The following CNKSR3 variants were observed in gnomAD, a reference collection of about 807,000 sequenced individuals.
CNKSR3 encodes the protein connector enhancer of kinase suppressor of ras 3.
In CNKSR3, 36 loss-of-function variants were observed where a neutral mutation model predicts 67.7. The observed-to-expected ratio is 0.53, with a 90% confidence interval of 0.41 to 0.70. The LOEUF is 0.70. Ranked by LOEUF, CNKSR3 falls within the 30% of genes least tolerant of loss-of-function variation. The pLI, the probability that CNKSR3 is intolerant of heterozygous loss-of-function variation, is 0.00. For missense variants in CNKSR3, 630 were observed against 695.2 expected (o/e 0.91, Z 1.05); for synonymous variants, 281 against 271.4 (o/e 1.04, Z -0.35).
At chr6:154,481,018 CTTAT>C (rs1185641401) in intron 1 of CNKSR3, among the ~76,000 whole-genome samples, 4 of 151,486 alleles carry the variant, frequency 2.6e-5, no homozygotes, top group African/African-American at 9.7e-5. Flanking sequence ...CAGTCTTATG[CTTAT>C]TTGATATTTA....
chr6:154,495,787 G>A (rs1162249441), intron 1 of CNKSR3, among the ~76,000 whole-genome samples: 1 of 152,054 alleles, frequency 6.6e-6, no homozygotes, highest in Non-Finnish European at 1.5e-5. Context: ...AGGGCGCAGA[G>A]TACTCCTGTG....
chr6:154,494,191 G>T (rs1033749225), intron 1 of CNKSR3, among the ~76,000 whole-genome samples: 1 of 152,160 alleles, frequency 6.6e-6, no homozygotes, highest in Non-Finnish European at 1.5e-5. Flanking sequence ...TTACAATCGT[G>T]GTGGAAGAGG....
chr6:154,504,819 C>G (rs1161877091), intron 1 of CNKSR3, among the ~76,000 whole-genome samples: 1 of 151,648 alleles, frequency 6.6e-6, no homozygotes. Flanking sequence ...TCAGCCTGGG[C>G]AACAGAGTGA....
chr6:154,483,329 C>G (rs1420133581), intron 1 of CNKSR3, among the ~76,000 whole-genome samples: 1 of 152,156 alleles, frequency 6.6e-6, no homozygotes, highest in African/African-American at 2.4e-5. Context: ...CTCTCGGCAG[C>G]CTCTTTCCAT....
Position 154,398,760 on chromosome 6 carries a change from T to G in CNKSR3, c.*7594A>C, listed in dbSNP as rs1305598731. ...TGGAAGGGATTTAATAGAAAAGATA[T>G]GATGATGACAAATCAAGTCAATATT... is the stretch of plus-strand genomic sequence containing the variant. On this transcript the variant is annotated 3_prime_UTR_variant, in exon 13 of 13. Coordinates refer to ENST00000607772, the MANE Select transcript of CNKSR3 (RefSeq NM_173515.4). The G allele has an allele frequency of 6.6e-6, 1 of 152,172 alleles. No homozygotes were observed. The highest frequency in any genetic ancestry group is 1.5e-5 in the Non-Finnish European group (1 of 68,042). 9.4% of individuals were successfully genotyped at this position (152,172 alleles called of 1,614,324 possible).
chr6:154,414,046 G>A (rs1784963055), intron 10 of CNKSR3, among the ~76,000 whole-genome samples: 1 of 152,056 alleles, frequency 6.6e-6, no homozygotes, highest in Admixed American at 6.6e-5. Context: ...ACCACACCTG[G>A]CCAATACTGC....
chr6:154,457,327 C>A (rs918993336), intron 1 of CNKSR3, among the ~76,000 whole-genome samples: 1 of 152,094 alleles, frequency 6.6e-6, no homozygotes, highest in Non-Finnish European at 1.5e-5. Flanking sequence ...TTCTGTCGCT[C>A]GTTTTGTTGA....
In CNKSR3 at chr6:154,437,500, G is replaced by A. The variant is rs1449181903; in HGVS notation, c.507+3792C>T. On this transcript the variant is annotated intron_variant, in intron 4 of 12. Transcript: ENST00000607772. ...GCGATCTTGGCTGACTGCAACCTCCGCCTCCCAGGTTCAAGTGATTCTCCT... is the reference window on the plus strand; with the variant it reads ...GCGATCTTGGCTGACTGCAACCTCCACCTCCCAGGTTCAAGTGATTCTCCT... 5.9e-5 allele frequency among the ~76,000 whole-genome samples: 8 copies of A among 135,758 alleles called. No homozygotes were observed. In the South Asian group the frequency reaches 1.4e-3, roughly 24 times the overall value. 89.1% of individuals were successfully genotyped at this position (135,758 alleles called of 152,430 possible). A position where few individuals can be genotyped will look rare whatever the true frequency, so the allele number is the denominator to read the frequency against.
At chr6:154,504,106 G>C (rs1787049400) in intron 1 of CNKSR3, among the ~76,000 whole-genome samples, 1 of 152,340 alleles carries the variant, frequency 6.6e-6, no homozygotes, top group East Asian at 1.9e-4. Context: ...GGGGCCAACA[G>C]TTGACAGCAA....
intron 12 of CNKSR3, among the ~76,000 whole-genome samples, chr6:154,408,217 G>A (rs1478344244): frequency 6.6e-6 from 1 of 152,088 alleles, no homozygotes; most frequent in Non-Finnish European, 1.5e-5. Context: ...TAGAGACGGG[G>A]TTTCACCATG....
intron 1 of CNKSR3, among the ~76,000 whole-genome samples, chr6:154,475,925 A>G (rs2114632851): frequency 6.6e-6 from 1 of 152,302 alleles, no homozygotes; most frequent in East Asian, 1.9e-4. Flanking sequence ...TGGAACCAAA[A>G]GGCAAGCCAG....
At chr6:154,454,040 T>C (rs1035839444) in intron 1 of CNKSR3, among the ~76,000 whole-genome samples, 1 of 147,892 alleles carries the variant, frequency 6.8e-6, no homozygotes, top group African/African-American at 2.5e-5. Context: ...TCTGGCTGCA[T>C]ATAATCCTAA....
rs117102917 is a variant in CNKSR3 at position 154,497,214 on chromosome 6, G to A, written c.52+12849C>T. Reference sequence around the variant, plus strand: ...GGAAACGGAAACATAATGAGACCTCGTTTCTACTAAAGTTCAAAAAAAAAA... The same window carrying A: ...GGAAACGGAAACATAATGAGACCTCATTTCTACTAAAGTTCAAAAAAAAAA... On this transcript the variant is annotated intron_variant, in intron 1 of 12. Transcript: ENST00000607772. Among the ~76,000 whole-genome samples, 834 of 151,004 alleles carry A rather than the reference G, an allele frequency of 5.5e-3. 2 individuals carry two copies. Among genetic ancestry groups the A allele is most frequent in the Non-Finnish European group, 8.4e-3 (569 of 67,762 alleles).
chr6:154,453,553 A>G (rs551704834), intron 1 of CNKSR3, among the ~76,000 whole-genome samples: 1 of 152,352 alleles, frequency 6.6e-6, no homozygotes, highest in African/African-American at 2.4e-5. Context: ...ACATAAGAAT[A>G]GAATGTATTG....
At position 154,397,944 on chromosome 6, in the gene CNKSR3, G is replaced by A. The variant is rs1784678271; in HGVS notation, c.*8410C>T. On this transcript the variant is annotated 3_prime_UTR_variant, in exon 13 of 13. Coordinates refer to ENST00000607772, the MANE Select transcript of CNKSR3 (RefSeq NM_173515.4). ...TGTGGCGCAGGCGCAGAACAGGATT[G>A]AATTTCGCTAAAAAGACAAAGGAAG... The A allele has an allele frequency of 6.6e-6, 1 of 152,388 alleles. No individual in the cohort carries two copies. Among genetic ancestry groups the A allele is most frequent in the Non-Finnish European group, 1.5e-5 (1 of 68,142 alleles). The allele number at this position is 152,388 out of a possible 1,614,324, so 9.4% of individuals were successfully genotyped here.
rs1253730852 is a variant in CNKSR3 at position 154,414,343 on chromosome 6, C to T, written c.1026G>A (p.Leu342=). ...CAGGCGGAGGAGGAATATAAAGATC[C>T]AGGATGGCTGACTTCTCCTTCTTCA... is the stretch of plus-strand genomic sequence containing the variant. ...TSLKKEKSAI[L]DLYIPPPPAV... Residue 342 remains leucine, a synonymous_variant, in exon 10 of 13, where the codon CTG becomes CTA. Transcript: ENST00000607772. 1.2e-6 allele frequency: 2 copies of T among 1,611,824 alleles called. No homozygotes were observed. The highest frequency in any genetic ancestry group is 1.7e-6 in the Non-Finnish European group (2 of 1,179,174).
chr6:154,487,992 C>CA (rs966841433), intron 1 of CNKSR3, among the ~76,000 whole-genome samples: 2 of 151,842 alleles, frequency 1.3e-5, no homozygotes, highest in African/African-American at 4.8e-5. Flanking sequence ...CTACATGAAA[C>CA]AAAAAACAAA....
chr6:154,413,933 G>C (rs1562320357), intron 10 of CNKSR3, among the ~76,000 whole-genome samples: 1 of 151,876 alleles, frequency 6.6e-6, no homozygotes. Context: ...TTTTTTTATA[G>C]AGATGAGGTT....
chr6:154,479,710 T>A (rs948991093), intron 1 of CNKSR3, among the ~76,000 whole-genome samples: 9 of 152,332 alleles, frequency 5.9e-5, no homozygotes, highest in Admixed American at 3.3e-4. Context: ...TGTTTGTGCT[T>A]ACATATTTCA....
Sources: gnomAD v4.1 joint callset for allele counts (sites outside exome capture counted in the v4.1 genomes callset) on GRCh38, gnomAD v4.1.1 for gene constraint, MANE v1.5 for transcripts, NCBI Gene and HGNC (gene_info 2026-07-23, HGNC 2026-07-21) for gene names.